The following GRK5 variants were observed in gnomAD, a reference collection of about 807,000 sequenced individuals.
GRK5 encodes G protein-coupled receptor kinase 5, also known as g protein-coupled receptor kinase GRK5.
GRK5 carries 40 observed loss-of-function variants against 78.4 expected under a neutral mutation model. The observed-to-expected ratio is 0.51, with a 90% CI of 0.40 to 0.66. The LOEUF is 0.66. Ranked by LOEUF, GRK5 falls within the 30% of genes least tolerant of loss-of-function variation. GRK5 has a pLI of 0.00. For synonymous variants in GRK5, 289 were observed against 296.8 expected, an observed-to-expected ratio of 0.97 and a Z score of 0.27; for missense variants, 598 against 759.9, an observed-to-expected ratio of 0.79 and a Z score of 2.50.
intron 6 of GRK5, among the ~76,000 whole-genome samples, 183 bp downstream of exon 6, chr10:119,425,268 TACACACAC>T (rs112640010): frequency 1.3e-4 from 17 of 126,724 alleles, no homozygotes; most frequent in African/African-American, 4.2e-4. Flanking sequence ...CACACACACA[TACACACAC>T]ACACACACAC....
At chr10:119,311,220 G>A (rs1850354121) in intron 1 of GRK5, among the ~76,000 whole-genome samples, 1 of 152,156 alleles carries the variant, frequency 6.6e-6, no homozygotes, top group South Asian at 2.1e-4. Context: ...ATTCATCAGA[G>A]ATTGATGGAG....
chr10:119,265,022 C>A (rs1037165046), intron 1 of GRK5, among the ~76,000 whole-genome samples: 1 of 152,186 alleles, frequency 6.6e-6, no homozygotes, highest in Non-Finnish European at 1.5e-5. Flanking sequence ...GGGCTCACAG[C>A]GGCCTCTTTG....
intron 10 of GRK5, 150 bp downstream of exon 10, chr10:119,439,918 C>T: frequency 1.5e-6 from 1 of 689,552 alleles, no homozygotes; most frequent in Non-Finnish European, 2.5e-6. Context: ...AGGGGGAAAG[C>T]TGTGAGTGTG....
chr10:119,396,722 A>C lies in GRK5; in HGVS notation c.289A>C (p.Lys97Gln). 6.2e-7 allele frequency: 1 copy of C among 1,613,678 alleles called. No homozygotes were observed. The highest frequency in any genetic ancestry group is 1.1e-5 in the South Asian group (1 of 91,076). Residue 97 changes from lysine to glutamine, a missense_variant, in exon 4 of 16, where the codon AAA (lysine) becomes CAA (glutamine). Transcript: ENST00000392870. The part of the protein sequence containing the change: ...VAEYEVTPDE[K>Q]LGEKGKEIMT... ...AGAATATGAAGTTACTCCAGATGAA[A>C]AACTGGGAGAGAAAGGGAAGGAAAT... is the stretch of plus-strand genomic sequence containing the variant.
At chr10:119,321,510 G>T (rs967611981) in intron 1 of GRK5, among the ~76,000 whole-genome samples, 1 of 152,180 alleles carries the variant, frequency 6.6e-6, no homozygotes, top group African/African-American at 2.4e-5. Flanking sequence ...CCAATGGCTG[G>T]TGAGTCTTCG....
At chr10:119,450,436 A>C (rs1853251677) in intron 13 of GRK5, among the ~76,000 whole-genome samples, 2 of 152,198 alleles carry the variant, frequency 1.3e-5, no homozygotes, top group South Asian at 4.1e-4. Context: ...AAACCCCTTA[A>C]ATAGAAGTAG....
At chr10:119,361,489 G>T (rs1851361930) in intron 2 of GRK5, among the ~76,000 whole-genome samples, 1 of 152,234 alleles carries the variant, frequency 6.6e-6, no homozygotes, top group East Asian at 1.9e-4. Context: ...CCATGGATAA[G>T]ACAGACCAGG....
chr10:119,429,936 G>A (rs1026148392), intron 6 of GRK5, among the ~76,000 whole-genome samples: 33 of 152,128 alleles, frequency 2.2e-4, no homozygotes, highest in African/African-American at 7.2e-4. Context: ...GGTGTAGGGA[G>A]GGCTGTGACC....
chr10:119,357,022 G>A (rs1356123086), intron 2 of GRK5, among the ~76,000 whole-genome samples: 1 of 152,226 alleles, frequency 6.6e-6, no homozygotes, highest in African/African-American at 2.4e-5. Flanking sequence ...ATGTGTGTGA[G>A]GCCCATGCTA....
chr10:119,327,395 TG>T (rs1181622449), intron 2 of GRK5, among the ~76,000 whole-genome samples: 1 of 151,960 alleles, frequency 6.6e-6, no homozygotes, highest in African/African-American at 2.4e-5. Flanking sequence ...TGCCCTGGGG[TG>T]GGTCCTTCCC....
intron 3 of GRK5, among the ~76,000 whole-genome samples, chr10:119,384,435 G>A (rs944307146): frequency 5.3e-5 from 8 of 152,214 alleles, no homozygotes; most frequent in Non-Finnish European, 1.2e-4. Flanking sequence ...CCATGGGCAG[G>A]TGTTTAACCC....
intron 4 of GRK5, among the ~76,000 whole-genome samples, chr10:119,418,985 A>G (rs1326291158): frequency 1.3e-5 from 2 of 152,208 alleles, no homozygotes; most frequent in African/African-American, 4.8e-5. Context: ...CATCAGCTCC[A>G]TCCCAGAGGG....
At chr10:119,374,939 G>C (rs1320927841) in intron 2 of GRK5, among the ~76,000 whole-genome samples, 1 of 152,142 alleles carries the variant, frequency 6.6e-6, no homozygotes, top group Non-Finnish European at 1.5e-5. Context: ...TATGCTTCCT[G>C]TACAGCCTGT....
intron 1 of GRK5, among the ~76,000 whole-genome samples, chr10:119,261,547 C>T (rs1488845844): frequency 4.0e-5 from 6 of 151,786 alleles, no homozygotes; most frequent in East Asian, 3.9e-4. Context: ...CCAAGGCAGG[C>T]GGCTGGGAGG....
chr10:119,392,933 G>A (rs937708235), intron 3 of GRK5, among the ~76,000 whole-genome samples: 2 of 152,232 alleles, frequency 1.3e-5, no homozygotes, highest in South Asian at 2.1e-4. Flanking sequence ...TGCTGCTTAC[G>A]TTTGCTGGTT....
intron 2 of GRK5, among the ~76,000 whole-genome samples, chr10:119,338,899 C>T (rs552275715): frequency 3.9e-5 from 6 of 152,310 alleles, no homozygotes; most frequent in African/African-American, 1.4e-4. Flanking sequence ...GTTTTTTCCA[C>T]CTAGTTTTTG....
At chr10:119,427,479 T>G (rs1304725167) in intron 6 of GRK5, among the ~76,000 whole-genome samples, 10 of 148,576 alleles carry the variant, frequency 6.7e-5, no homozygotes, top group African/African-American at 2.5e-4. Flanking sequence ...ACCACCATCA[T>G]CAGCATCACC....
chr10:119,272,914 G>A (rs1365755648), intron 1 of GRK5, among the ~76,000 whole-genome samples: 1 of 152,210 alleles, frequency 6.6e-6, no homozygotes, highest in Non-Finnish European at 1.5e-5. Flanking sequence ...GCAGGCTGAG[G>A]GTTGATTCTG....
At chr10:119,285,437 C>A (rs1017084527) in intron 1 of GRK5, among the ~76,000 whole-genome samples, 2 of 152,136 alleles carry the variant, frequency 1.3e-5, no homozygotes, top group African/African-American at 4.8e-5. Flanking sequence ...CAGCCCTGGC[C>A]CAGACAGTTT....
Sources: allele counts gnomAD v4.1 joint callset (sites outside exome capture counted in the v4.1 genomes callset), GRCh38; gene constraint gnomAD v4.1.1; transcripts MANE v1.5; gene names NCBI Gene and HGNC (gene_info 2026-07-23, HGNC 2026-07-21).